VPS13C: variants seen among roughly 807,000 people sequenced by gnomAD.
VPS13C encodes intermembrane lipid transfer protein VPS13C.
Under a neutral mutation model 456.8 loss-of-function variants are expected in VPS13C, and 358 were observed. The ratio of observed to expected loss-of-function variants is 0.78; its 90% CI spans 0.72 to 0.86. The LOEUF is 0.86. Among genes scored for constraint, VPS13C ranks in the 40% least tolerant of loss-of-function variants. The probability of loss-of-function intolerance (pLI) is 0.00; values close to 1 mark genes in which losing one functional copy is unlikely to be tolerated. For missense variants in VPS13C, 4,818 were observed against 4,385.4 expected (o/e 1.10, Z -2.79); for synonymous variants, 1,578 against 1,486.7 (o/e 1.06, Z -1.41).
chr15:61,865,560 G>A lies in VPS13C; in HGVS notation c.10864-2032C>T, dbSNP rs147588281. On this transcript the variant is annotated intron_variant, in intron 81 of 84. Transcript: ENST00000644861. ...TGTATATATGTATGTGTAAATATGT[G>A]TATGTTTGCGTATATATGTGTGTAT... 2,339 of 819,000 alleles carry A rather than the reference G, an allele frequency of 2.9e-3. 40 individuals are homozygous for A. The African/African-American group carries it at 0.04, about 14-fold the overall frequency. The allele number at this position is 819,000 out of a possible 1,614,324, so 50.7% of individuals were successfully genotyped here. A position where few individuals can be genotyped will look rare whatever the true frequency, so the allele number is the denominator to read the frequency against.
intron 32 of VPS13C, 92 bp from the exon 33 acceptor site, chr15:61,962,944 T>A (rs2045260001): frequency 1.0e-6 from 1 of 968,438 alleles, no homozygotes; most frequent in South Asian, 2.8e-5. Context: ...GGGGTGACTT[T>A]TTTAAATTTA....
chr15:61,879,851 T>C (rs1895721857), intron 73 of VPS13C, among the ~76,000 whole-genome samples: 1 of 152,092 alleles, frequency 6.6e-6, no homozygotes, highest in South Asian at 2.1e-4. Context: ...ATCACCAAAC[T>C]AATAGATCAA....
In VPS13C at chr15:62,023,789, G is replaced by A. The variant is rs769229472; in HGVS notation, c.505C>T (p.Arg169Cys). 2.5e-6 allele frequency: 4 copies of A among 1,609,746 alleles called. No homozygotes were observed. Among genetic ancestry groups the A allele is most frequent in the Non-Finnish European group, 3.4e-6 (4 of 1,177,576 alleles). ...HFKKPFKGLD[R>C]SKDKPKEAKK... is the part of the protein sequence containing the mutation. ...AACTACTTTTACCTACCTTTTGAACGATCAAGACCTTTAAAAGGTTTCTTA... is the reference window on the plus strand; with the variant it reads ...AACTACTTTTACCTACCTTTTGAACAATCAAGACCTTTAAAAGGTTTCTTA... The change falls in exon 7 of 85, where the codon CGT (arginine) becomes TGT (cysteine). Residue 169 changes from arginine to cysteine, a missense_variant. Physicochemically the swap from Arg to Cys is radical, Grantham distance 180 (BLOSUM62 -3). Coordinates refer to ENST00000644861, the MANE Select transcript of VPS13C (RefSeq NM_020821.3).
At chr15:61,874,787 T>C (rs1209116053) in intron 77 of VPS13C, 89 bp downstream of exon 77, 4 of 1,199,768 alleles carry the variant, frequency 3.3e-6, no homozygotes, top group Admixed American at 2.5e-5. Flanking sequence ...CCCTCCTTTA[T>C]TAAATAAAAG....
rs1171578645 is a variant in VPS13C at position 61,929,730 on chromosome 15, ATTCT to A, written c.6053_6056del (p.Lys2018MetfsTer9). The A allele has an allele frequency of 3.1e-6, 5 of 1,611,604 alleles. No homozygotes were observed. The highest frequency in any genetic ancestry group is 4.2e-6 in the Non-Finnish European group (5 of 1,178,356). On this transcript the variant is annotated frameshift_variant, in exon 51 of 85. Transcript: ENST00000644861. LOFTEE classifies it high-confidence loss of function. The stretch of plus-strand genomic sequence containing the variant: ...TCATAGAACTGTTGTTATCTTGGTC[ATTCT>A]TTCTGTCAATCATTCTGAAAAAAAA...
rs778093787 is a variant in VPS13C, at chr15:61,884,179, T to C, written c.9432A>G (p.Lys3144=). The change falls in exon 68 of 85, where the codon AAA becomes AAG. Residue 3144 remains lysine, a synonymous_variant. Coordinates refer to ENST00000644861, the MANE Select transcript of VPS13C (RefSeq NM_020821.3). ...QIILLEQSYQ[K]HQISRDHGWI... The stretch of plus-strand genomic sequence containing the variant: ...AGCCATGGTCTCTTGATATTTGATG[T>C]TTCTGATAGGATTGTTCCAATAAGA... 6.2e-7 allele frequency: 1 copy of C among 1,610,164 alleles called. No homozygotes were observed. The highest frequency in any genetic ancestry group is 2.2e-5 in the East Asian group (1 of 44,620).
chr15:61,947,372 C>T (rs1018488894), intron 42 of VPS13C, 63 bp from the exon 43 acceptor site: 10 of 1,220,008 alleles, frequency 8.2e-6, no homozygotes, highest in African/African-American at 1.6e-5. Flanking sequence ...CATACAATAA[C>T]CTCAAATCCA....
chr15:61,978,894 AT>A, intron 22 of VPS13C, 145 bp from the exon 23 acceptor site: 1 of 716,950 alleles, frequency 1.4e-6, no homozygotes, highest in South Asian at 2.7e-5. Flanking sequence ...AAACATTTTA[AT>A]TTTCAGATAA....
chr15:61,928,705 C>T (rs540811865), intron 51 of VPS13C, among the ~76,000 whole-genome samples: 1 of 151,918 alleles, frequency 6.6e-6, no homozygotes, highest in South Asian at 2.1e-4. Flanking sequence ...CATGGCGAAG[C>T]CCCATGTTTA....
chr15:62,049,353 C>A (rs374523569), intron 1 of VPS13C, among the ~76,000 whole-genome samples: 40 of 152,108 alleles, frequency 2.6e-4, no homozygotes, highest in African/African-American at 8.4e-4. Flanking sequence ...CCATTTATTA[C>A]ATAGGGAATC....
In VPS13C at chr15:61,912,702, T is replaced by C. The variant is rs2140151228; in HGVS notation, c.8550+609A>G. On this transcript the variant is annotated intron_variant, in intron 62 of 84. Transcript: ENST00000644861. Reference sequence around the variant, plus strand: ...ACATGTGCACAATGTGCAGGTTAGTTACATATGTATACATGTACCATGCTG... The same window carrying C: ...ACATGTGCACAATGTGCAGGTTAGTCACATATGTATACATGTACCATGCTG... Among the ~76,000 whole-genome samples the C allele has an allele frequency of 1.3e-5, 2 of 151,848 alleles. 1 individual carries two copies. Among genetic ancestry groups the C allele is most frequent in the South Asian group, 4.2e-4 (2 of 4,790 alleles).
At chr15:62,005,593 A>G (rs1302214347) in intron 15 of VPS13C, among the ~76,000 whole-genome samples, 4 of 149,294 alleles carry the variant, frequency 2.7e-5, no homozygotes, top group Non-Finnish European at 4.5e-5. Context: ...TCGTTAGTTG[A>G]TGCAGTTTCT....
intron 28 of VPS13C, among the ~76,000 whole-genome samples, chr15:61,968,523 A>G (rs1317356646): frequency 6.6e-6 from 1 of 152,080 alleles, no homozygotes; most frequent in East Asian, 1.9e-4. Flanking sequence ...GGACGACTGC[A>G]TTTGACTAAA....
At chr15:62,004,073 T>C (rs1231492579) in intron 15 of VPS13C, among the ~76,000 whole-genome samples, 6 of 152,072 alleles carry the variant, frequency 3.9e-5, no homozygotes, top group African/African-American at 1.4e-4. Flanking sequence ...TTCTATTGAT[T>C]GGAATAGTTT....
At chr15:62,039,663 T>C (rs2048178750) in intron 3 of VPS13C, among the ~76,000 whole-genome samples, 1 of 152,122 alleles carries the variant, frequency 6.6e-6, no homozygotes, top group South Asian at 2.1e-4. Flanking sequence ...TGATATACCA[T>C]CTCACCTCAG....
At chr15:61,951,520 T>C (rs1298861772) in intron 39 of VPS13C, among the ~76,000 whole-genome samples, 2 of 152,186 alleles carry the variant, frequency 1.3e-5, no homozygotes, top group African/African-American at 4.8e-5. Context: ...TTTTTTCCTC[T>C]ATATACTTTT....
Position 61,878,629 on chromosome 15 carries a change from C to A in VPS13C, c.10120G>T (p.Asp3374Tyr). Residue 3374 changes from aspartate (D) to tyrosine (Y), a missense_variant, in exon 74 of 85, where the codon GAT (aspartate) becomes TAT (tyrosine). Asp to Tyr is a radical substitution (Grantham distance 160). Around this residue, in one of 3 missense-constraint regions of VPS13C, gnomAD observed 4,552 missense variants for 4,130.6 expected, o/e 1.10. Transcript: ENST00000644861. ...LLKSIGATLT[D>Y]VDDLIFKLAY... ...TACTTGAATATAAGGTCATCCACATCAGTCAGAGTAGCACCTATGCTTTTC... is the reference window on the plus strand; with the variant it reads ...TACTTGAATATAAGGTCATCCACATAAGTCAGAGTAGCACCTATGCTTTTC... 1 of 1,609,694 alleles carries A rather than the reference C, an allele frequency of 6.2e-7. No individual in the cohort carries two copies. The highest frequency in any genetic ancestry group is 1.3e-5 in the African/African-American group (1 of 74,780).
intron 29 of VPS13C, 95 bp downstream of exon 29, chr15:61,967,273 C>A: frequency 1.0e-6 from 1 of 1,004,842 alleles, no homozygotes; most frequent in Non-Finnish European, 1.5e-6. Context: ...CTGTGATACA[C>A]ATCCAGAGCC....
chr15:61,962,529 T>C lies in VPS13C; in HGVS notation c.3445A>G (p.Ile1149Val), dbSNP rs760676223. The C allele has an allele frequency of 4.4e-6, 7 of 1,608,430 alleles. No individual in the cohort carries two copies. Among genetic ancestry groups the C allele is most frequent in the Admixed American group, 1.7e-5 (1 of 59,854 alleles). ...AAACGGAAAACTTCATTTCCCATTA[T>C]TGACACAGCCTGAAAAACAGAGACT... ...PKTVHKKAVS[I>V]MGNEVFRFNL... The change falls in exon 34 of 85, where the codon ATA becomes GTA. Residue 1149 changes from isoleucine to valine, a missense_variant. By Grantham distance (29) the Ile-to-Val change is conservative. Around this residue, in one of 3 missense-constraint regions of VPS13C, gnomAD observed 4,552 missense variants for 4,130.6 expected, o/e 1.10. Transcript: ENST00000644861.
Sources: allele counts gnomAD v4.1 joint callset (sites outside exome capture counted in the v4.1 genomes callset), GRCh38; gene constraint gnomAD v4.1.1; regional missense constraint gnomAD v4.1.1; transcripts MANE v1.5; gene names NCBI Gene and HGNC (gene_info 2026-07-23, HGNC 2026-07-21).